APBA2: variants seen among roughly 807,000 people sequenced by gnomAD.
APBA2 encodes the protein amyloid beta precursor protein binding family A member 2.
APBA2 carries 30 observed loss-of-function variants against 75.0 expected under a neutral mutation model. The ratio of observed to expected loss-of-function variants is 0.40; its 90% CI spans 0.30 to 0.54. The LOEUF (loss-of-function observed/expected upper bound fraction) is 0.54. Among genes scored for constraint, APBA2 ranks in the 20% least tolerant of loss-of-function variants. APBA2 has a pLI of 0.49. For synonymous variants in APBA2, 444 were observed against 409.6 expected (o/e 1.08, Z -1.01); for missense variants, 801 against 1,016.1 (o/e 0.79, Z 2.88).
At chr15:29,115,032 G>A (rs1413268505) in intron 14 of APBA2, among the ~76,000 whole-genome samples, 1 of 151,910 alleles carries the variant, frequency 6.6e-6, no homozygotes, top group South Asian at 2.1e-4. Flanking sequence ...GTGTGTGAAG[G>A]GGTGTTCAGC....
chr15:29,026,219 AG>A (rs1188892431), intron 3 of APBA2, among the ~76,000 whole-genome samples: 1 of 152,182 alleles, frequency 6.6e-6, no homozygotes, highest in East Asian at 1.9e-4. Context: ...CTCATAGACA[AG>A]GAACGAATCT....
chr15:28,951,155 A>C (rs1350330098), intron 2 of APBA2, among the ~76,000 whole-genome samples: 1 of 152,248 alleles, frequency 6.6e-6, no homozygotes, highest in Admixed American at 6.5e-5. Flanking sequence ...ACAACGATTT[A>C]TATAGCATTT....
chr15:28,973,729 A>C (rs2037191697), intron 2 of APBA2, among the ~76,000 whole-genome samples: 2 of 152,230 alleles, frequency 1.3e-5, no homozygotes, highest in African/African-American at 4.8e-5. Context: ...ATTCTGACAA[A>C]ATAGAAATAA....
chr15:29,065,414 T>G (rs1489821679), intron 4 of APBA2, among the ~76,000 whole-genome samples: 1 of 151,718 alleles, frequency 6.6e-6, no homozygotes, highest in Admixed American at 6.6e-5. Context: ...GACATGGGAG[T>G]TTTACCCCAA....
chr15:29,024,000 T>C (rs1422057696), intron 3 of APBA2, among the ~76,000 whole-genome samples: 1 of 151,266 alleles, frequency 6.6e-6, no homozygotes, highest in Non-Finnish European at 1.5e-5. Context: ...ACCTCCCAAG[T>C]TCAAGCGATT....
At chr15:29,061,910 C>T (rs1442252535) in intron 4 of APBA2, among the ~76,000 whole-genome samples, 1 of 152,164 alleles carries the variant, frequency 6.6e-6, no homozygotes, top group Admixed American at 6.5e-5. Context: ...GGCACCCAGG[C>T]GCCCCCCCTC....
intron 6 of APBA2, among the ~76,000 whole-genome samples, chr15:29,077,425 CAT>C (rs1426330899): frequency 1.3e-5 from 2 of 152,176 alleles, no homozygotes; most frequent in Non-Finnish European, 2.9e-5. Context: ...GTCAGTGTAT[CAT>C]AGTGTCATCT....
chr15:28,923,335 A>G (rs888532334), intron 2 of APBA2, among the ~76,000 whole-genome samples: 12 of 152,042 alleles, frequency 7.9e-5, no homozygotes, highest in Non-Finnish European at 5.9e-5. Flanking sequence ...GCTATTTCTT[A>G]GTCTTCTGTT....
At chr15:28,992,360 A>G (rs1039230481) in intron 2 of APBA2, among the ~76,000 whole-genome samples, 5 of 152,106 alleles carry the variant, frequency 3.3e-5, no homozygotes, top group African/African-American at 1.2e-4. Flanking sequence ...AATATTTAGC[A>G]TTTCTGCTCA....
At chr15:28,903,498 G>A (rs1448552035) in intron 1 of APBA2, among the ~76,000 whole-genome samples, 1 of 152,226 alleles carries the variant, frequency 6.6e-6, no homozygotes, top group African/African-American at 2.4e-5. Flanking sequence ...GGCCATTTCA[G>A]CTTCAAGTTA....
intron 3 of APBA2, among the ~76,000 whole-genome samples, chr15:28,998,200 C>CTTTTTTTTTTTTTTT (rs397937522): frequency 7.6e-6 from 1 of 132,312 alleles, no homozygotes; most frequent in Non-Finnish European, 1.6e-5. Flanking sequence ...TCTTCTTTTT[C>CTTTTTTTTTTTTTTT]TTTTTTTTTT....
At position 29,094,193 on chromosome 15, in the gene APBA2, G is replaced by A. The variant is rs576472240; in HGVS notation, c.1216-85G>A. 66 of 1,441,170 alleles carry A rather than the reference G, an allele frequency of 4.6e-5. No individual in the cohort carries two copies. In the African/African-American group the frequency reaches 8.8e-4, roughly 19 times the overall value. The allele number at this position is 1,441,170 out of a possible 1,614,324, so 89.3% of individuals were successfully genotyped here. A position where few individuals can be genotyped will look rare whatever the true frequency, so the allele number is the denominator to read the frequency against. ...CTAGGCACCAGACCTGAGAGTGGGG[G>A]CATCAACCACCAAAGTGACATAACC... On this transcript the variant is annotated intron_variant, in intron 7 of 14. Transcript: ENST00000683413.
Position 29,046,979 on chromosome 15 carries a change from T to G in APBA2, c.-40-6866T>G, listed in dbSNP as rs1039177896. Reference sequence around the variant, plus strand: ...TTTCCTTAACTCCCTTTATGTAGTGTTTATGGAGTTCAGGCCTGCACTGGT... The same window carrying G: ...TTTCCTTAACTCCCTTTATGTAGTGGTTATGGAGTTCAGGCCTGCACTGGT... On this transcript the variant is annotated intron_variant, in intron 3 of 14. Coordinates refer to ENST00000683413, the MANE Select transcript of APBA2 (RefSeq NM_001353788.2). This position sits in a 1 kb window ranked among gnomAD's most constrained non-coding sequence, Gnocchi z 5.0. 1.5e-4 allele frequency among the ~76,000 whole-genome samples: 23 copies of G among 152,238 alleles called. No individual in the cohort carries two copies. The highest frequency in any genetic ancestry group is 5.5e-4 in the African/African-American group (23 of 41,468).
intron 2 of APBA2, among the ~76,000 whole-genome samples, chr15:28,968,001 G>C (rs1038729503): frequency 6.6e-6 from 1 of 152,188 alleles, no homozygotes; most frequent in South Asian, 2.1e-4. Context: ...TTCTGGCTGT[G>C]AATTTGACTC....
chr15:29,069,273 G>A (rs2042514139), intron 4 of APBA2, among the ~76,000 whole-genome samples: 1 of 152,194 alleles, frequency 6.6e-6, no homozygotes, highest in Non-Finnish European at 1.5e-5. Context: ...ATGGACATTT[G>A]AGTTGTTTCT....
chr15:29,115,493 C>T (rs1435757840), intron 14 of APBA2, among the ~76,000 whole-genome samples: 1 of 152,098 alleles, frequency 6.6e-6, no homozygotes, highest in Non-Finnish European at 1.5e-5. Flanking sequence ...TGCTTTGAAG[C>T]GGCCGCCCCC....
At chr15:28,938,870 A>C (rs931492913) in intron 2 of APBA2, among the ~76,000 whole-genome samples, 3 of 152,232 alleles carry the variant, frequency 2.0e-5, no homozygotes, top group African/African-American at 4.8e-5. Flanking sequence ...CACATAACAT[A>C]AAATACCATC....
rs2045257082 is a variant in APBA2 at position 29,117,396 on chromosome 15, C to T, written c.*263C>T. 1 of 548,404 alleles carries T rather than the reference C, an allele frequency of 1.8e-6. No individual in the cohort carries two copies. The highest frequency in any genetic ancestry group is 1.9e-5 in the African/African-American group (1 of 52,604). 34.0% of individuals were successfully genotyped at this position (548,404 alleles called of 1,614,324 possible). Reference sequence around the variant, plus strand: ...TGCCACGTTCTGGACTGTCTTCTCCCTGCACAAGCCAGGGTGTGTCTCGGT... The same window carrying T: ...TGCCACGTTCTGGACTGTCTTCTCCTTGCACAAGCCAGGGTGTGTCTCGGT... On this transcript the variant is annotated 3_prime_UTR_variant, in exon 15 of 15. Transcript: ENST00000683413.
intron 14 of APBA2, among the ~76,000 whole-genome samples, chr15:29,114,526 G>A (rs2044938975): frequency 2.0e-5 from 3 of 152,170 alleles, no homozygotes. Context: ...GATGGTGCTG[G>A]GGAGGTGGCA....
Sources: allele counts gnomAD v4.1 joint callset (sites outside exome capture counted in the v4.1 genomes callset), GRCh38; gene constraint gnomAD v4.1.1; non-coding constraint Gnocchi (gnomAD v3.1); transcripts MANE v1.5; gene names NCBI Gene and HGNC (gene_info 2026-07-23, HGNC 2026-07-21).